The following PTPRD variants were observed in gnomAD, a reference collection of about 807,000 sequenced individuals.
The protein encoded by PTPRD is receptor-type tyrosine-protein phosphatase delta.
A neutral mutation model predicts 214.5 loss-of-function variants in PTPRD; 34 were observed. The ratio of observed to expected loss-of-function variants is 0.16; its 90% CI spans 0.12 to 0.21. The LOEUF is 0.21. Ranked by LOEUF, PTPRD falls within the 10% of genes least tolerant of loss-of-function variation. The pLI is 1.00. For synonymous variants in PTPRD, 1,128 were observed against 845.7 expected (o/e 1.33, Z -5.79); for missense variants, 2,545 against 2,398.7 (o/e 1.06, Z -1.27).
At chr9:10,251,430 T>A (rs1322147) in intron 3 of PTPRD, among the ~76,000 whole-genome samples, 111,751 of 151,334 alleles carry the variant, frequency 0.74, 42,546 homozygotes, top group Non-Finnish European at 0.84. Flanking sequence ...TCCTAGTGAG[T>A]AGGATTATCA....
chr9:10,143,084 T>G lies in PTPRD; in HGVS notation c.-544-109294A>C, dbSNP rs182061842. Among the ~76,000 whole-genome samples, 617 of 151,432 alleles carry G rather than the reference T, an allele frequency of 4.1e-3. 6 individuals are homozygous for G. Among genetic ancestry groups the G allele is most frequent in the African/African-American group, 0.014 (565 of 41,200 alleles). ...GTGGGAATTGAACAATGAGAAAACA[T>G]GGACACAGGAAGGGGAACATCACAC... On this transcript the variant is annotated intron_variant, in intron 3 of 45. Transcript: ENST00000381196.
intron 2 of PTPRD, among the ~76,000 whole-genome samples, chr9:10,380,460 C>T (rs2097797092): frequency 6.6e-6 from 1 of 151,976 alleles, no homozygotes; most frequent in Non-Finnish European, 1.5e-5. Flanking sequence ...TTCTTTGCAT[C>T]AGAAAGGTTT....
At chr9:10,364,892 C>T (rs767787508) in intron 2 of PTPRD, among the ~76,000 whole-genome samples, 4 of 152,268 alleles carry the variant, frequency 2.6e-5, no homozygotes, top group South Asian at 2.1e-4. Flanking sequence ...CCCCACTTAA[C>T]GCTGTACAAT....
chr9:8,362,469 C>T (rs1390448895), intron 39 of PTPRD, among the ~76,000 whole-genome samples: 2 of 152,098 alleles, frequency 1.3e-5, no homozygotes, highest in South Asian at 2.1e-4. Context: ...TGGTTTGTAA[C>T]ATGATTGGTT....
intron 5 of PTPRD, among the ~76,000 whole-genome samples, chr9:9,914,581 C>T (rs562110901): frequency 1.3e-5 from 2 of 152,284 alleles, no homozygotes; most frequent in South Asian, 2.1e-4. Context: ...GCTGGCTGAA[C>T]AGCTGAGGGC....
intron 2 of PTPRD, among the ~76,000 whole-genome samples, chr9:10,582,548 T>G (rs2072297910): frequency 6.6e-6 from 1 of 152,198 alleles, no homozygotes; most frequent in African/African-American, 2.4e-5. Flanking sequence ...GTCTCAGAGT[T>G]GACAACACCC....
chr9:8,579,967 T>A (rs1023019203), intron 14 of PTPRD, among the ~76,000 whole-genome samples: 4 of 152,166 alleles, frequency 2.6e-5, no homozygotes, highest in African/African-American at 7.2e-5. Context: ...AGTGGCATGA[T>A]CAGATTTCAC....
intron 4 of PTPRD, among the ~76,000 whole-genome samples, chr9:9,945,610 G>A (rs1246037769): frequency 1.3e-5 from 2 of 152,142 alleles, no homozygotes; most frequent in Non-Finnish European, 2.9e-5. Flanking sequence ...GCAACACAGA[G>A]CTCATGGGTG....
chr9:8,967,670 C>CA (rs1447290369), intron 11 of PTPRD, among the ~76,000 whole-genome samples: 1 of 151,936 alleles, frequency 6.6e-6, no homozygotes, highest in Non-Finnish European at 1.5e-5. Context: ...TCATAACATG[C>CA]AAAAAATAAA....
chr9:8,913,498 G>A (rs1274816685), intron 11 of PTPRD, among the ~76,000 whole-genome samples: 2 of 151,960 alleles, frequency 1.3e-5, no homozygotes, highest in Admixed American at 1.3e-4. Context: ...CAGATGAGGG[G>A]TTCTATTCTG....
chr9:9,821,834 A>G (rs1314048030), intron 5 of PTPRD, among the ~76,000 whole-genome samples: 2 of 151,506 alleles, frequency 1.3e-5, no homozygotes, highest in Non-Finnish European at 2.9e-5. Flanking sequence ...CTTTTCACTT[A>G]AAACTTCCAA....
chr9:9,780,060 C>G (rs568464043), intron 5 of PTPRD, among the ~76,000 whole-genome samples: 12 of 152,208 alleles, frequency 7.9e-5, no homozygotes, highest in African/African-American at 2.9e-4. Context: ...TACATATACA[C>G]CATGGAATAA....
chr9:8,833,013 GA>G (rs936723021), intron 11 of PTPRD, among the ~76,000 whole-genome samples: 13 of 151,050 alleles, frequency 8.6e-5, no homozygotes, highest in African/African-American at 1.7e-4. Context: ...CTTTGCAGAT[GA>G]AAAAAAAATC....
At chr9:9,417,357 C>G (rs894935367) in intron 8 of PTPRD, among the ~76,000 whole-genome samples, 1 of 151,988 alleles carries the variant, frequency 6.6e-6, no homozygotes, top group South Asian at 2.1e-4. Flanking sequence ...AAAATCAATT[C>G]TAATTTTACA....
At chr9:8,671,455 T>C (rs1565160741) in intron 12 of PTPRD, among the ~76,000 whole-genome samples, 1 of 152,174 alleles carries the variant, frequency 6.6e-6, no homozygotes, top group East Asian at 1.9e-4. Flanking sequence ...ACAGAACATA[T>C]TAAAGATACT....
intron 8 of PTPRD, among the ~76,000 whole-genome samples, chr9:9,427,879 A>G (rs2081571857): frequency 6.6e-6 from 1 of 152,190 alleles, no homozygotes; most frequent in African/African-American, 2.4e-5. Context: ...TTTTGTCACC[A>G]CCAGGCCTGC....
intron 35 of PTPRD, among the ~76,000 whole-genome samples, chr9:8,414,806 G>T (rs2093779630): frequency 6.7e-6 from 1 of 149,444 alleles, no homozygotes; most frequent in Non-Finnish European, 1.5e-5. Context: ...CAAGCTTCAT[G>T]ACAGTGTCAT....
At chr9:10,548,006 C>T (rs950121475) in intron 2 of PTPRD, among the ~76,000 whole-genome samples, 1 of 151,830 alleles carries the variant, frequency 6.6e-6, no homozygotes, top group Non-Finnish European at 1.5e-5. Flanking sequence ...ATCTGATGGG[C>T]TATTGAGAGA....
In PTPRD at chr9:8,315,934, A is replaced by C; in HGVS notation, c.*1940T>G. The C allele has an allele frequency of 5.5e-6, 1 of 183,344 alleles. No individual in the cohort carries two copies. The highest frequency in any genetic ancestry group is 7.0e-5 in the East Asian group (1 of 14,382). 11.4% of individuals were successfully genotyped at this position (183,344 alleles called of 1,614,324 possible). ...AATTCTGTTGGAAGAATTGGGGGTA[A>C]GATACATATATATATATAGTTTATT... is the stretch of plus-strand genomic sequence containing the variant. On this transcript the variant is annotated 3_prime_UTR_variant, in exon 46 of 46. Coordinates refer to ENST00000381196, the MANE Select transcript of PTPRD (RefSeq NM_002839.4).
Sources: allele counts gnomAD v4.1 joint callset (sites outside exome capture counted in the v4.1 genomes callset), GRCh38; gene constraint gnomAD v4.1.1; transcripts MANE v1.5; gene names NCBI Gene and HGNC (gene_info 2026-07-23, HGNC 2026-07-21).